KCNH7: variants seen among roughly 807,000 people sequenced by gnomAD.
KCNH7 encodes potassium voltage-gated channel subfamily H member 7.
In KCNH7, 49 loss-of-function variants were observed where a neutral mutation model predicts 120.8. The observed-to-expected ratio is 0.41, with a 90% confidence interval of 0.32 to 0.51. KCNH7 has a LOEUF of 0.51. Among genes scored for constraint, KCNH7 ranks in the 20% least tolerant of loss-of-function variants. The pLI, the probability that KCNH7 is intolerant of heterozygous loss-of-function variation, is 0.38. For synonymous variants in KCNH7, 547 were observed against 516.1 expected (o/e 1.06, Z -0.81); for missense variants, 1,097 against 1,446.6 (o/e 0.76, Z 3.92).
At chr2:162,764,403 T>C (rs866899388) in intron 2 of KCNH7, among the ~76,000 whole-genome samples, 14 of 152,284 alleles carry the variant, frequency 9.2e-5, no homozygotes, top group African/African-American at 3.4e-4. Flanking sequence ...GCCTCCTTCA[T>C]AATATTTTAT....
At chr2:162,825,213 G>T (rs1054645515) in intron 2 of KCNH7, among the ~76,000 whole-genome samples, 1 of 151,828 alleles carries the variant, frequency 6.6e-6, no homozygotes, top group African/African-American at 2.4e-5. Flanking sequence ...GTGTGAAGTG[G>T]GGCATCCAGC....
At chr2:162,575,796 G>T (rs1693650818) in intron 2 of KCNH7, among the ~76,000 whole-genome samples, 1 of 152,050 alleles carries the variant, frequency 6.6e-6, no homozygotes. Flanking sequence ...GAACTAAGGG[G>T]ATTATGTTTA....
intron 2 of KCNH7, among the ~76,000 whole-genome samples, chr2:162,645,180 GCT>G (rs562351016): frequency 6.3e-4 from 95 of 151,896 alleles, no homozygotes; most frequent in African/African-American, 2.1e-3. Flanking sequence ...ACAGAATTTT[GCT>G]CTGTCACCAG....
intron 2 of KCNH7, among the ~76,000 whole-genome samples, chr2:162,685,311 T>C (rs1191942694): frequency 6.6e-6 from 1 of 152,076 alleles, no homozygotes; most frequent in East Asian, 1.9e-4. Context: ...GACCTGCACG[T>C]TCTGGACATG....
chr2:162,525,320 A>C (rs1261735678), intron 3 of KCNH7, among the ~76,000 whole-genome samples: 2 of 151,964 alleles, frequency 1.3e-5, no homozygotes, highest in African/African-American at 4.8e-5. Flanking sequence ...GCAGCAGCAA[A>C]ACAGCATTCC....
At chr2:162,373,379 C>A (rs1686036051) in intron 15 of KCNH7, 91 bp downstream of exon 15, 2 of 927,356 alleles carry the variant, frequency 2.2e-6, no homozygotes, top group African/African-American at 3.4e-5. Context: ...AGAAATCTGC[C>A]TTTTCCACAG....
At chr2:162,699,981 T>C (rs1686435988) in intron 2 of KCNH7, among the ~76,000 whole-genome samples, 2 of 152,180 alleles carry the variant, frequency 1.3e-5, no homozygotes, top group African/African-American at 4.8e-5. Flanking sequence ...TTACTTTTTT[T>C]TTCATTAAAA....
chr2:162,766,898 CACACACATAA>C (rs1392304337), intron 2 of KCNH7, among the ~76,000 whole-genome samples: 29 of 142,242 alleles, frequency 2.0e-4, no homozygotes, highest in African/African-American at 7.4e-4. Flanking sequence ...CACACACACA[CACACACATAA>C]ACACACATCA....
chr2:162,722,065 G>A, intron 2 of KCNH7, among the ~76,000 whole-genome samples: 1 of 151,908 alleles, frequency 6.6e-6, no homozygotes, highest in Non-Finnish European at 1.5e-5. Flanking sequence ...CATTTCACTA[G>A]TACGTATTAC....
chr2:162,790,269 A>T (rs1054974072), intron 2 of KCNH7, among the ~76,000 whole-genome samples: 1 of 151,986 alleles, frequency 6.6e-6, no homozygotes, highest in African/African-American at 2.4e-5. Flanking sequence ...ACACCTACTA[A>T]GACTGAATCA....
chr2:162,662,791 G>A (rs193185021), intron 2 of KCNH7, among the ~76,000 whole-genome samples: 2 of 152,290 alleles, frequency 1.3e-5, no homozygotes, highest in East Asian at 1.9e-4. Flanking sequence ...GAATAAGAAT[G>A]TTTATTCACC....
At chr2:162,688,109 T>A (rs1171232265) in intron 2 of KCNH7, among the ~76,000 whole-genome samples, 1 of 152,192 alleles carries the variant, frequency 6.6e-6, no homozygotes, top group Non-Finnish European at 1.5e-5. Context: ...AATACAGGGC[T>A]AACTCTATTT....
intron 2 of KCNH7, among the ~76,000 whole-genome samples, chr2:162,660,972 C>A (rs13390414): frequency 0.097 from 14,692 of 152,144 alleles, 2,246 homozygotes; most frequent in African/African-American, 0.32. Flanking sequence ...AAGTTCTGTA[C>A]AATAAGATAG....
intron 2 of KCNH7, among the ~76,000 whole-genome samples, chr2:162,583,852 G>A (rs1429052590): frequency 6.6e-6 from 1 of 152,082 alleles, no homozygotes; most frequent in Non-Finnish European, 1.5e-5. Context: ...GGCCACTGAT[G>A]CAGATTATTT....
chr2:162,490,572 A>C (rs1381248241), intron 6 of KCNH7, among the ~76,000 whole-genome samples: 1 of 152,068 alleles, frequency 6.6e-6, no homozygotes, highest in East Asian at 1.9e-4. Flanking sequence ...TTTCACTTTC[A>C]CTTCTGAGAC....
At chr2:162,720,551 G>A (rs1367074030) in intron 2 of KCNH7, among the ~76,000 whole-genome samples, 2 of 151,824 alleles carry the variant, frequency 1.3e-5, no homozygotes, top group Admixed American at 6.6e-5. Flanking sequence ...CTGATATAAA[G>A]GTTGTATAAC....
intron 2 of KCNH7, among the ~76,000 whole-genome samples, chr2:162,731,606 T>G (rs1687733373): frequency 6.6e-6 from 1 of 151,892 alleles, no homozygotes; most frequent in Admixed American, 6.6e-5. Context: ...ACAAGCAATA[T>G]GATACCTTAT....
chr2:162,434,817 A>ATATC (rs751689260), intron 8 of KCNH7, among the ~76,000 whole-genome samples: 2 of 151,964 alleles, frequency 1.3e-5, no homozygotes, highest in South Asian at 2.1e-4. Flanking sequence ...TACATTTTTT[A>ATATC]TATCTATCTA....
intron 2 of KCNH7, among the ~76,000 whole-genome samples, chr2:162,754,484 T>C (rs1357198083): frequency 6.6e-6 from 1 of 151,978 alleles, no homozygotes; most frequent in African/African-American, 2.4e-5. Flanking sequence ...ATTAGTGCAG[T>C]TTTCAACAGG....
Sources: allele counts gnomAD v4.1 joint callset (sites outside exome capture counted in the v4.1 genomes callset), GRCh38; gene constraint gnomAD v4.1.1; transcripts MANE v1.5; gene names NCBI Gene and HGNC (gene_info 2026-07-23, HGNC 2026-07-21).